CLPB: variants seen among roughly 807,000 people sequenced by gnomAD.
CLPB encodes mitochondrial disaggregase.
A neutral mutation model predicts 78.4 loss-of-function variants in CLPB; 40 were observed. That is an observed-to-expected ratio of 0.51 (90% confidence interval 0.40 to 0.66). The LOEUF is 0.66. CLPB is among the 30% of genes least tolerant of loss of function. The pLI is 0.00. For synonymous variants in CLPB, 333 were observed against 348.0 expected (o/e 0.96, Z 0.48); for missense variants, 780 against 886.9 (o/e 0.88, Z 1.53).
intron 4 of CLPB, among the ~76,000 whole-genome samples, chr11:72,377,459 G>A (rs1198163285): frequency 2.0e-5 from 3 of 152,160 alleles, no homozygotes; most frequent in Non-Finnish European, 2.9e-5. Flanking sequence ...TATGAAATAA[G>A]AAGAGATAGT....
intron 2 of CLPB, chr11:72,408,130 G>A (rs1252708519): frequency 6.5e-7 from 1 of 1,535,336 alleles, no homozygotes; most frequent in Non-Finnish European, 8.7e-7. Context: ...AAATCTTGGT[G>A]TTCTTCAGTG....
In CLPB at chr11:72,293,481, C is replaced by G; in HGVS notation, c.1920G>C (p.Gln640His). The G allele has an allele frequency of 6.2e-7, 1 of 1,614,178 alleles. No individual in the cohort carries two copies. Among genetic ancestry groups the G allele is most frequent in the South Asian group, 1.1e-5 (1 of 91,084 alleles). The change falls in exon 16 of 16, where the codon CAG becomes CAC. Residue 640 changes from glutamine to histidine, a missense_variant. Around this residue, in one of 3 missense-constraint regions of CLPB, gnomAD observed 272 missense variants for 304.0 expected, o/e 0.89. Coordinates refer to ENST00000538039, the MANE Select transcript of CLPB (RefSeq NM_001258392.3). ...LLKSPELPSP[Q>H]AEKRLPKLRL... ...GCAGCTTGGGGAGGCGCTTCTCAGC[C>G]TGGGGTGAGGGCAGTTCTGGGCTTT...
intron 6 of CLPB, among the ~76,000 whole-genome samples, chr11:72,322,176 G>A (rs1950055998): frequency 6.6e-6 from 1 of 152,140 alleles, no homozygotes; most frequent in African/African-American, 2.4e-5. Flanking sequence ...CAAAGCAGGT[G>A]TCAGCCCCTT....
Position 72,295,618 on chromosome 11 carries a change from T to C in CLPB, c.1360A>G (p.Ile454Val). 1 of 1,614,026 alleles carries C rather than the reference T, an allele frequency of 6.2e-7. No individual in the cohort carries two copies. The highest frequency in any genetic ancestry group is 8.5e-7 in the Non-Finnish European group (1 of 1,179,990). ...ATGAAGATGGCGTCCTTGCAATCAA[T>C]GGTCTTCCCTTTTCCATCTGTCAGC... is the stretch of plus-strand genomic sequence containing the variant. ...GRLTDGKGKTIDCKDAIFIMT... is the reference protein window; with the variant it reads ...GRLTDGKGKTVDCKDAIFIMT... Residue 454 changes from isoleucine to valine, a missense_variant, in exon 12 of 16, where the codon ATT becomes GTT. By Grantham distance (29) the Ile-to-Val change is conservative (BLOSUM62 3). Around this residue, in one of 3 missense-constraint regions of CLPB, gnomAD observed 272 missense variants for 304.0 expected, o/e 0.89. Coordinates refer to ENST00000538039, the MANE Select transcript of CLPB (RefSeq NM_001258392.3).
intron 3 of CLPB, among the ~76,000 whole-genome samples, chr11:72,397,784 T>C (rs1178995358): frequency 1.3e-5 from 2 of 152,246 alleles, no homozygotes. Context: ...TCCTTTTTTA[T>C]GAATTAGAAA....
At position 72,387,217 on chromosome 11, in the gene CLPB, T is replaced by C. The variant is rs141401567; in HGVS notation, c.543-6833A>G. Among the ~76,000 whole-genome samples the C allele has an allele frequency of 1.6e-3, 244 of 152,328 alleles. 12 individuals carry two copies. In the East Asian group the frequency reaches 0.039, roughly 24 times the overall value. The stretch of plus-strand genomic sequence containing the variant: ...GAGAGAAGGGAAAGTTCTGTCTTAC[T>C]ATAGAATGAAAACTAATAATTGTAG... On this transcript the variant is annotated intron_variant, in intron 3 of 15. Transcript: ENST00000538039.
intron 6 of CLPB, among the ~76,000 whole-genome samples, chr11:72,318,989 C>G (rs192681291): frequency 2.0e-5 from 3 of 152,324 alleles, no homozygotes; most frequent in Non-Finnish European, 4.4e-5. Context: ...ACAGTGCTGA[C>G]TTGCAGTCGG....
At chr11:72,347,997 T>A (rs1191607025) in intron 5 of CLPB, among the ~76,000 whole-genome samples, 1 of 152,146 alleles carries the variant, frequency 6.6e-6, no homozygotes, top group Admixed American at 6.6e-5. Flanking sequence ...CAGGAAAGAT[T>A]CTCTCCTGGA....
chr11:72,365,545 G>C (rs1950926712), intron 4 of CLPB, among the ~76,000 whole-genome samples: 1 of 152,096 alleles, frequency 6.6e-6, no homozygotes. Flanking sequence ...AAACCATTGA[G>C]TTATATACTC....
At chr11:72,359,922 C>T (rs1399916134) in intron 4 of CLPB, among the ~76,000 whole-genome samples, 1 of 152,204 alleles carries the variant, frequency 6.6e-6, no homozygotes, top group East Asian at 1.9e-4. Flanking sequence ...ACCAGTCCAT[C>T]ATTTTTCCAG....
intron 11 of CLPB, among the ~76,000 whole-genome samples, chr11:72,299,822 G>A (rs1221294550): frequency 5.3e-5 from 8 of 152,134 alleles, no homozygotes; most frequent in East Asian, 1.9e-4. Flanking sequence ...GGGAAGGGGC[G>A]ACAACAGCTG....
chr11:72,299,584 A>T (rs577045093), intron 11 of CLPB, among the ~76,000 whole-genome samples: 58 of 152,288 alleles, frequency 3.8e-4, no homozygotes, highest in African/African-American at 1.4e-3. Context: ...CACTCTGTTC[A>T]CCTAGCACTT....
chr11:72,428,545 C>T (rs1039298784), intron 2 of CLPB, among the ~76,000 whole-genome samples: 3 of 152,214 alleles, frequency 2.0e-5, no homozygotes, highest in African/African-American at 7.2e-5. Context: ...ATCTGCTTCC[C>T]GCCTTTGCTT....
In CLPB at chr11:72,301,394, G is replaced by A. The variant is rs139955710; in HGVS notation, c.1329+409C>T. Among the ~76,000 whole-genome samples the A allele has an allele frequency of 3.2e-3, 487 of 152,322 alleles. 4 individuals carry two copies. Among genetic ancestry groups the A allele is most frequent in the African/African-American group, 0.011 (464 of 41,568 alleles). The stretch of plus-strand genomic sequence containing the variant: ...GAACAAGAGCTGTCTGAGGCAGAAG[G>A]ATTTTTGGGGCTTCTCTGATTCAGC... On this transcript the variant is annotated intron_variant, in intron 11 of 15. Coordinates refer to ENST00000538039, the MANE Select transcript of CLPB (RefSeq NM_001258392.3).
chr11:72,328,404 C>T (rs1394835153), intron 6 of CLPB, among the ~76,000 whole-genome samples: 4 of 152,198 alleles, frequency 2.6e-5, no homozygotes, highest in Admixed American at 2.0e-4. Context: ...GATCCATAGA[C>T]AATCATATGT....
chr11:72,369,237 A>G (rs561595019), intron 4 of CLPB, among the ~76,000 whole-genome samples: 1 of 152,218 alleles, frequency 6.6e-6, no homozygotes, highest in South Asian at 2.1e-4. Flanking sequence ...CACCAAATTC[A>G]TAAGGTGGGG....
intron 1 of CLPB, chr11:72,430,593 TCTC>T: frequency 3.7e-6 from 2 of 537,092 alleles, no homozygotes; most frequent in Non-Finnish European, 6.7e-6. Flanking sequence ...TCTTCACTCC[TCTC>T]ATCATAGAGG....
At chr11:72,337,831 T>C (rs1461516701) in intron 5 of CLPB, among the ~76,000 whole-genome samples, 3 of 152,034 alleles carry the variant, frequency 2.0e-5, no homozygotes, top group East Asian at 3.9e-4. Flanking sequence ...TTTCTAGAGG[T>C]AGATTTGGGA....
At chr11:72,374,133 A>C (rs1951096583) in intron 4 of CLPB, among the ~76,000 whole-genome samples, 1 of 152,012 alleles carries the variant, frequency 6.6e-6, no homozygotes, top group Admixed American at 6.5e-5. Flanking sequence ...AGCTGTTAGT[A>C]CCCCTTGAGT....
Sources: allele counts gnomAD v4.1 joint callset (sites outside exome capture counted in the v4.1 genomes callset), GRCh38; gene constraint gnomAD v4.1.1; regional missense constraint gnomAD v4.1.1; transcripts MANE v1.5; gene names NCBI Gene and HGNC (gene_info 2026-07-23, HGNC 2026-07-21).